PRKD1: variants seen among roughly 807,000 people sequenced by gnomAD.
The protein encoded by PRKD1 is protein kinase D1.
In PRKD1, 63 loss-of-function variants were observed where a neutral mutation model predicts 95.9. That is an observed-to-expected ratio of 0.66 (90% CI 0.54 to 0.81). The LOEUF is 0.81. Among genes scored for constraint, PRKD1 ranks in the 30% least tolerant of loss-of-function variants. The pLI is 0.00. For missense variants in PRKD1, 1,048 were observed against 1,165.3 expected (o/e 0.90, Z 1.47); for synonymous variants, 425 against 423.1 (o/e 1.00, Z -0.05).
rs144878850 is a variant in PRKD1, at chr14:29,689,324, A to T, written c.404-23116T>A. ...ACATGAACAGACATTTCTCAAAAGA[A>T]GACATTCAGGCAGCCAATAAACATT... On this transcript the variant is annotated intron_variant, in intron 2 of 17. Coordinates refer to ENST00000331968, the MANE Select transcript of PRKD1 (RefSeq NM_002742.3). Among the ~76,000 whole-genome samples the T allele has an allele frequency of 7.6e-3, 1,160 of 152,286 alleles. 21 individuals carry two copies. Among genetic ancestry groups the T allele is most frequent in the African/African-American group, 0.026 (1,070 of 41,560 alleles).
chr14:29,731,829 T>C (rs1886451110), intron 1 of PRKD1, among the ~76,000 whole-genome samples: 1 of 152,102 alleles, frequency 6.6e-6, no homozygotes, highest in Admixed American at 6.6e-5. Flanking sequence ...CACGTATATA[T>C]GACTCCCTCA....
At chr14:29,610,697 A>G (rs1878402937) in intron 13 of PRKD1, among the ~76,000 whole-genome samples, 1 of 152,236 alleles carries the variant, frequency 6.6e-6, no homozygotes, top group South Asian at 2.1e-4. Context: ...ACGTTCACAC[A>G]GAAACCTGCA....
intron 1 of PRKD1, among the ~76,000 whole-genome samples, chr14:29,840,843 T>C (rs1891813013): frequency 6.6e-6 from 1 of 152,218 alleles, no homozygotes. Context: ...CCTGACCCCA[T>C]GATTCAATCA....
intron 1 of PRKD1, among the ~76,000 whole-genome samples, chr14:29,899,891 T>G (rs1894262765): frequency 6.6e-6 from 1 of 152,152 alleles, no homozygotes; most frequent in Non-Finnish European, 1.5e-5. Context: ...AATTGGATCA[T>G]GGGGGCGGTT....
Position 29,834,889 on chromosome 14 carries a change from C to G in PRKD1, c.264+92360G>C, listed in dbSNP as rs183892326. ...GGATAAAGGTGGTGGAGCTAATATT[C>G]TCATTTACTCAGAGAACTCCATAGT... On this transcript the variant is annotated intron_variant, in intron 1 of 17. Coordinates refer to ENST00000331968, the MANE Select transcript of PRKD1 (RefSeq NM_002742.3). 1.2e-4 allele frequency among the ~76,000 whole-genome samples: 18 copies of G among 152,232 alleles called. No homozygotes were observed. The Middle Eastern group carries it at 0.01, about 86-fold the overall frequency.
At chr14:29,902,835 AG>A (rs45524435) in intron 1 of PRKD1, among the ~76,000 whole-genome samples, 875 of 6,452 alleles carry the variant, frequency 0.14, 8 homozygotes, top group African/African-American at 0.32. Flanking sequence ...AATTTAGAAA[AG>A]GAAAAATAAA....
At chr14:29,589,883 C>A (rs1463607184) in intron 16 of PRKD1, among the ~76,000 whole-genome samples, 1 of 152,040 alleles carries the variant, frequency 6.6e-6, no homozygotes, top group Non-Finnish European at 1.5e-5. Context: ...CCGGAGACTA[C>A]CTATTTTAAA....
intron 1 of PRKD1, among the ~76,000 whole-genome samples, chr14:29,727,365 A>G (rs1381294873): frequency 1.3e-5 from 2 of 151,406 alleles, no homozygotes; most frequent in Admixed American, 6.6e-5. Context: ...CTCTGATGGT[A>G]GTTTCTTTTG....
chr14:29,694,255 C>T (rs1256106153), intron 2 of PRKD1, among the ~76,000 whole-genome samples: 1 of 152,164 alleles, frequency 6.6e-6, no homozygotes, highest in East Asian at 1.9e-4. Context: ...CAAATAACCA[C>T]TTTAATTTTC....
intron 2 of PRKD1, among the ~76,000 whole-genome samples, chr14:29,673,850 T>C (rs1271869161): frequency 6.6e-6 from 1 of 152,196 alleles, no homozygotes; most frequent in Non-Finnish European, 1.5e-5. Flanking sequence ...AAGCGCAATA[T>C]AGTGTCAGTA....
In PRKD1 at chr14:29,685,756, G is replaced by GTGTA. The variant is rs576149061; in HGVS notation, c.404-19549_404-19548insTACA. Among the ~76,000 whole-genome samples, 130 of 151,964 alleles carry GTGTA rather than the reference G, an allele frequency of 8.6e-4. 4 individuals are homozygous for GTGTA. In the South Asian group the frequency reaches 0.024, roughly 28 times the overall value. The stretch of plus-strand genomic sequence containing the variant: ...CATCTGTGTGTGTGTGTGTGTGTGT[G>GTGTA]TACAGTCTTTTCTATGCAATACTGG... On this transcript the variant is annotated intron_variant, in intron 2 of 17. Transcript: ENST00000331968.
Position 29,852,437 on chromosome 14 carries a change from G to T in PRKD1, c.264+74812C>A, listed in dbSNP as rs185224687. ...ACTGGAAATATCTATTCTGAGGAAA[G>T]GAAAGAGAAAAGACTGAAGAAAAGT... On this transcript the variant is annotated intron_variant, in intron 1 of 17. Transcript: ENST00000331968. Among the ~76,000 whole-genome samples, 359 of 151,920 alleles carry T rather than the reference G, an allele frequency of 2.4e-3. 1 individual carries two copies. Among genetic ancestry groups the T allele is most frequent in the African/African-American group, 8.4e-3 (348 of 41,446 alleles).
chr14:29,867,435 C>T lies in PRKD1; in HGVS notation c.264+59814G>A, dbSNP rs143855242. On this transcript the variant is annotated intron_variant, in intron 1 of 17. Transcript: ENST00000331968. ...AGCAAAAGCTCACCGTGCAAAGGCT[C>T]AACTGAGAAAGATCCTGGCCTCATC... Among the ~76,000 whole-genome samples, 144 of 152,266 alleles carry T rather than the reference C, an allele frequency of 9.5e-4. 3 individuals are homozygous for T. Among genetic ancestry groups the T allele is most frequent in the African/African-American group, 3.3e-3 (139 of 41,546 alleles).
chr14:29,589,869 C>T (rs1024287537), intron 16 of PRKD1, among the ~76,000 whole-genome samples: 16 of 152,048 alleles, frequency 1.1e-4, no homozygotes, highest in Non-Finnish European at 2.2e-4. Flanking sequence ...ATTAGACCTG[C>T]CTTCCGGAGA....
intron 1 of PRKD1, among the ~76,000 whole-genome samples, chr14:29,878,010 G>A (rs1325966817): frequency 6.6e-6 from 1 of 152,166 alleles, no homozygotes; most frequent in Non-Finnish European, 1.5e-5. Flanking sequence ...GAACATGGAT[G>A]TAGCTGGAGG....
intron 1 of PRKD1, among the ~76,000 whole-genome samples, chr14:29,903,522 A>C (rs1894392796): frequency 6.6e-6 from 1 of 152,308 alleles, no homozygotes; most frequent in Admixed American, 6.5e-5. Flanking sequence ...CATAACATAT[A>C]AGAGAACTGT....
chr14:29,855,748 C>T (rs1001607000), intron 1 of PRKD1, among the ~76,000 whole-genome samples: 11 of 152,072 alleles, frequency 7.2e-5, no homozygotes, highest in Non-Finnish European at 1.6e-4. Flanking sequence ...ATCATGAGGG[C>T]TAGTCTTTCC....
chr14:29,627,874 A>C (rs1239875957), intron 11 of PRKD1, among the ~76,000 whole-genome samples: 2 of 152,174 alleles, frequency 1.3e-5, no homozygotes. Flanking sequence ...TAATATTAAT[A>C]CTATTCTATT....
intron 1 of PRKD1, among the ~76,000 whole-genome samples, chr14:29,730,744 C>T (rs966417035): frequency 6.6e-5 from 10 of 151,882 alleles, no homozygotes; most frequent in African/African-American, 7.3e-5. Context: ...GAGAATAATA[C>T]GTTAAGTGAA....
Sources: allele counts gnomAD v4.1 joint callset (sites outside exome capture counted in the v4.1 genomes callset), GRCh38; gene constraint gnomAD v4.1.1; transcripts MANE v1.5; gene names NCBI Gene and HGNC (gene_info 2026-07-23, HGNC 2026-07-21).